GABRA1: variants seen among roughly 807,000 people sequenced by gnomAD.
GABRA1 encodes gamma-aminobutyric acid receptor subunit alpha-1.
In GABRA1, 9 loss-of-function variants were observed where a neutral mutation model predicts 48.9. That is an observed-to-expected ratio of 0.18 (90% CI 0.11 to 0.32). The LOEUF (loss-of-function observed/expected upper bound fraction) is 0.32, where lower values mean the gene tolerates loss of function less well. GABRA1 is among the 10% of genes least tolerant of loss of function. The pLI is 1.00. For missense variants in GABRA1, 285 were observed against 553.8 expected (o/e 0.51, Z 4.87); for synonymous variants, 210 against 198.7 (o/e 1.06, Z -0.48).
chr5:161,880,637 A>G (rs922785045), intron 6 of GABRA1, among the ~76,000 whole-genome samples: 1 of 152,220 alleles, frequency 6.6e-6, no homozygotes, highest in Non-Finnish European at 1.5e-5. Flanking sequence ...TTTAAAAACC[A>G]TCTGATTATA....
chr5:161,892,186 T>A (rs946206038), intron 8 of GABRA1, among the ~76,000 whole-genome samples: 8 of 152,168 alleles, frequency 5.3e-5, no homozygotes, highest in Non-Finnish European at 1.2e-4. Context: ...CCACTACGTA[T>A]TTATTGGTGA....
chr5:161,850,832 T>C lies in GABRA1; in HGVS notation c.22T>C (p.Ser8Pro). MRKSPGL[S>P]DCLWAWILLL... Reference sequence around the variant, plus strand: ...CGCGATGAGGAAAAGTCCAGGTCTGTCTGACTGTCTTTGGGCCTGGATCCT... The same window carrying C: ...CGCGATGAGGAAAAGTCCAGGTCTGCCTGACTGTCTTTGGGCCTGGATCCT... Residue 8 changes from serine to proline, a missense_variant, in exon 2 of 10, where the codon TCT becomes CCT. By Grantham distance (74) the Ser-to-Pro change is moderately conservative (BLOSUM62 -1). This residue lies in a region of GABRA1 where 45 missense variants were observed against 39.9 expected (regional missense o/e 1.13). Coordinates refer to ENST00000393943, the MANE Select transcript of GABRA1 (RefSeq NM_001127644.2). 1 of 1,614,120 alleles carries C rather than the reference T, an allele frequency of 6.2e-7. No individual in the cohort carries two copies. Among genetic ancestry groups the C allele is most frequent in the Non-Finnish European group, 8.5e-7 (1 of 1,179,966 alleles).
chr5:161,886,166 G>A (rs1329192571), intron 7 of GABRA1, among the ~76,000 whole-genome samples: 1 of 152,080 alleles, frequency 6.6e-6, no homozygotes, highest in Non-Finnish European at 1.5e-5. Context: ...AACCTGGGTT[G>A]TCAACCTGCA....
chr5:161,860,420 A>G (rs1757806487), intron 3 of GABRA1, among the ~76,000 whole-genome samples: 2 of 151,582 alleles, frequency 1.3e-5, no homozygotes, highest in Admixed American at 1.3e-4. Context: ...AGTGGAAATT[A>G]AAAATCAGAG....
chr5:161,861,432 G>A (rs936251225), intron 3 of GABRA1, among the ~76,000 whole-genome samples: 4 of 151,780 alleles, frequency 2.6e-5, no homozygotes, highest in African/African-American at 9.7e-5. Context: ...AGCATATGGA[G>A]GTAATTTATC....
chr5:161,884,913 T>C (rs1754778037), intron 7 of GABRA1, among the ~76,000 whole-genome samples: 1 of 152,102 alleles, frequency 6.6e-6, no homozygotes, highest in African/African-American at 2.4e-5. Flanking sequence ...TCCTCACCTT[T>C]GGCTTTCAAG....
Position 161,897,452 on chromosome 5 carries a change from C to T in GABRA1, c.*30C>T, listed in dbSNP as rs1375094851. 2 of 1,566,698 alleles carry T rather than the reference C, an allele frequency of 1.3e-6. No homozygotes were observed. Among genetic ancestry groups the T allele is most frequent in the East Asian group, 2.2e-5 (1 of 44,626 alleles). ...TTTACTCACATTCTGTTGTTCAGTC[C>T]TCTGCACTGGGAATTTATTTATGTT... On this transcript the variant is annotated 3_prime_UTR_variant, in exon 10 of 10. Coordinates refer to ENST00000393943, the MANE Select transcript of GABRA1 (RefSeq NM_001127644.2).
intron 8 of GABRA1, among the ~76,000 whole-genome samples, chr5:161,893,483 G>T (rs770107997): frequency 1.3e-5 from 2 of 151,818 alleles, no homozygotes; most frequent in East Asian, 1.9e-4. Context: ...AGCCTAAAAG[G>T]ATCATGTAGA....
chr5:161,880,080 A>G (rs1484069886), intron 6 of GABRA1, among the ~76,000 whole-genome samples: 2 of 152,182 alleles, frequency 1.3e-5, no homozygotes, highest in African/African-American at 2.4e-5. Flanking sequence ...TTGCCTAGAA[A>G]AACACTTACA....
rs1373539793 is a variant in GABRA1, at chr5:161,857,751, T to C, written c.187+3481T>C. On this transcript the variant is annotated intron_variant, in intron 3 of 9. Transcript: ENST00000393943. ...AAGACACTTTTAAATAGACTTGAGT[T>C]AAAATAATCAGTATCCAGAAAATAA... 5.3e-5 allele frequency among the ~76,000 whole-genome samples: 8 copies of C among 151,650 alleles called. No homozygotes were observed. The East Asian group carries it at 1.6e-3, about 29-fold the overall frequency.
chr5:161,858,602 T>C (rs776707529), intron 3 of GABRA1, among the ~76,000 whole-genome samples: 1 of 151,768 alleles, frequency 6.6e-6, no homozygotes, highest in Non-Finnish European at 1.5e-5. Flanking sequence ...TCTGTACATA[T>C]GCTCATTTCC....
chr5:161,869,743 A>G (rs919177336), intron 4 of GABRA1, among the ~76,000 whole-genome samples: 1 of 152,176 alleles, frequency 6.6e-6, no homozygotes, highest in African/African-American at 2.4e-5. Context: ...GACCTACACT[A>G]TTGAACAGAG....
In GABRA1 at chr5:161,890,926, C is replaced by T. The variant is rs1581215256; in HGVS notation, c.732C>T (p.Phe244=). 1 of 1,613,406 alleles carries T rather than the reference C, an allele frequency of 6.2e-7. No individual in the cohort carries two copies. The part of the protein sequence containing the change: ...TGEYVVMTTH[F]HLKRKIGYFV... Reference sequence around the variant, plus strand: ...AATATGTTGTTATGACCACTCATTTCCACTTGAAGAGAAAGATTGGCTACT... The same window carrying T: ...AATATGTTGTTATGACCACTCATTTTCACTTGAAGAGAAAGATTGGCTACT... The change falls in exon 8 of 10, where the codon TTC becomes TTT. Residue 244 remains phenylalanine, a synonymous_variant. Coordinates refer to ENST00000393943, the MANE Select transcript of GABRA1 (RefSeq NM_001127644.2).
upstream of GABRA1, chr5:161,847,655 A>G (rs1055875025): frequency 1.3e-5 from 2 of 152,108 alleles, no homozygotes; most frequent in East Asian, 3.9e-4. Context: ...GGACTTAGAC[A>G]TATGTGTGGG....
chr5:161,858,869 T>A (rs1757748327), intron 3 of GABRA1, among the ~76,000 whole-genome samples: 1 of 151,756 alleles, frequency 6.6e-6, no homozygotes, highest in Admixed American at 6.6e-5. Flanking sequence ...CTAACTTGGA[T>A]GATAAATGCC....
chr5:161,883,432 A>G (rs972314769), intron 7 of GABRA1, among the ~76,000 whole-genome samples: 3 of 152,162 alleles, frequency 2.0e-5, no homozygotes, highest in Admixed American at 2.0e-4. Context: ...GTTGTTTCGA[A>G]CAATAAGATA....
intron 3 of GABRA1, among the ~76,000 whole-genome samples, chr5:161,859,029 A>G (rs1561567617): frequency 4.0e-5 from 6 of 151,706 alleles, no homozygotes; most frequent in Admixed American, 2.6e-4. Context: ...GCCTACCTTT[A>G]TCCCTGCTAC....
At chr5:161,873,794 A>C (rs990365681) in intron 5 of GABRA1, among the ~76,000 whole-genome samples, 1 of 152,168 alleles carries the variant, frequency 6.6e-6, no homozygotes, top group Admixed American at 6.5e-5. Flanking sequence ...TTGAATTCAC[A>C]ATGGCGTTGA....
intron 4 of GABRA1, among the ~76,000 whole-genome samples, chr5:161,868,340 G>T (rs972864108): frequency 9.9e-5 from 15 of 152,140 alleles, no homozygotes; most frequent in African/African-American, 3.4e-4. Flanking sequence ...GAAGAGCACA[G>T]GAGAATTTTT....
Sources: gnomAD v4.1 joint callset for allele counts (sites outside exome capture counted in the v4.1 genomes callset) on GRCh38, gnomAD v4.1.1 for gene constraint, gnomAD v4.1.1 regional missense constraint, MANE v1.5 for transcripts, NCBI Gene and HGNC (gene_info 2026-07-23, HGNC 2026-07-21) for gene names.